CGREF1: variants seen among roughly 807,000 people sequenced by gnomAD.
CGREF1 encodes the protein cell growth regulator with EF hand domain protein 1.
Under a neutral mutation model 17.4 loss-of-function variants are expected in CGREF1, and 16 were observed. That is an observed-to-expected ratio of 0.92 (90% CI 0.62 to 1.40). CGREF1 has a LOEUF of 1.40. CGREF1 is among the 40% of genes most tolerant of loss of function. The pLI is 0.00. For missense variants in CGREF1, 296 were observed against 376.4 expected (o/e 0.79, Z 1.77); for synonymous variants, 142 against 154.6 (o/e 0.92, Z 0.61).
chr2:27,106,186 T>G (rs1671112875), intron 1 of CGREF1, among the ~76,000 whole-genome samples: 1 of 152,210 alleles, frequency 6.6e-6, no homozygotes, highest in South Asian at 2.1e-4. Context: ...CCAATGAAAG[T>G]AACCACAAAG....
rs944324710 is a variant in CGREF1, at chr2:27,102,116, T to C, written c.323A>G (p.Asn108Ser). 18 of 1,606,686 alleles carry C rather than the reference T, an allele frequency of 1.1e-5. No individual in the cohort carries two copies. Among genetic ancestry groups the C allele is most frequent in the Non-Finnish European group, 1.4e-5 (17 of 1,174,312 alleles). Reference sequence around the variant, plus strand: ...GCTTACCGGGTTGGTGGTAGGAGAGTTGGCAGCTCCAGGGGCCAGAGCAGC... The same window carrying C: ...GCTTACCGGGTTGGTGGTAGGAGAGCTGGCAGCTCCAGGGGCCAGAGCAGC... ...LTAALAPGAA[N>S]SPTTNPVILI... Residue 108 changes from asparagine (N) to serine (S), a missense_variant, in exon 5 of 6, where the codon AAC becomes AGC. This residue lies in a region of CGREF1 where 247 missense variants were observed against 267.2 expected (regional missense o/e 0.92). Transcript: ENST00000402394.
intron 1 of CGREF1, among the ~76,000 whole-genome samples, chr2:27,116,871 TTCTC>T (rs537582075): frequency 0.05 from 1,667 of 33,564 alleles, 52 homozygotes; most frequent in East Asian, 0.1. Flanking sequence ...GCCAGGCCTA[TTCTC>T]TCTCTCTCTC....
At chr2:27,102,859 G>C (rs769775186) in intron 2 of CGREF1, 1 of 890,440 alleles carries the variant, frequency 1.1e-6, no homozygotes, top group Non-Finnish European at 1.3e-6. Flanking sequence ...GGCCAGATGA[G>C]GCCACACCTA....
chr2:27,104,397 CA>C lies in CGREF1; in HGVS notation c.-11-21del. ...CTGGAACTGGAACAAGGAAGAGAAT[CA>C]GGGGTCGGGGGAAAGAGGCGTCTGC... On this transcript the variant is annotated intron_variant, in intron 1 of 5. Transcript: ENST00000402394. 1.2e-6 allele frequency: 2 copies of C among 1,612,830 alleles called. No homozygotes were observed. Among genetic ancestry groups the C allele is most frequent in the Non-Finnish European group, 1.7e-6 (2 of 1,179,530 alleles).
chr2:27,107,286 G>A (rs975915780), intron 1 of CGREF1, among the ~76,000 whole-genome samples: 5 of 124,536 alleles, frequency 4.0e-5, no homozygotes, highest in African/African-American at 9.7e-5. Flanking sequence ...AGAGGGTCTC[G>A]CTCTGTTGCC....
At chr2:27,116,892 T>TCTCTCTCTCTCTCTCTCTCTCTCTCC (rs1572906709) in intron 1 of CGREF1, among the ~76,000 whole-genome samples, 1 of 116,950 alleles carries the variant, frequency 8.6e-6, no homozygotes, top group East Asian at 2.5e-4. Context: ...TCTCTCTCTC[T>TCTCTCTCTCTCTCTCTCTCTCTCTCC]CTCTCTCTCT....
Position 27,101,023 on chromosome 2 carries a change from C to T in CGREF1, c.*251G>A, listed in dbSNP as rs553281771. The T allele has an allele frequency of 2.1e-5, 27 of 1,297,030 alleles. No homozygotes were observed. The East Asian group carries it at 6.4e-4, about 31-fold the overall frequency. The allele number at this position is 1,297,030 out of a possible 1,614,324, so 80.3% of individuals were successfully genotyped here. A position where few individuals can be genotyped will look rare whatever the true frequency, so the allele number is the denominator to read the frequency against. ...TCCCTGTCCTTTCGGTCCCCAACCCCGTTCCTCTGAGAGGGTCTGGGCAGG... is the reference window on the plus strand; with the variant it reads ...TCCCTGTCCTTTCGGTCCCCAACCCTGTTCCTCTGAGAGGGTCTGGGCAGG... On this transcript the variant is annotated 3_prime_UTR_variant, in exon 6 of 6. Coordinates refer to ENST00000402394, the MANE Select transcript of CGREF1 (RefSeq NM_006569.6).
At chr2:27,113,571 G>A (rs1671466622) in intron 1 of CGREF1, among the ~76,000 whole-genome samples, 1 of 152,104 alleles carries the variant, frequency 6.6e-6, no homozygotes, top group African/African-American at 2.4e-5. Flanking sequence ...GGAATAGGTG[G>A]TACGGCCCAA....
chr2:27,102,010 C>T (rs1670892573), intron 5 of CGREF1, 87 bp downstream of exon 5: 4 of 1,559,144 alleles, frequency 2.6e-6, no homozygotes, highest in Non-Finnish European at 3.5e-6. Flanking sequence ...TTACAGAGGA[C>T]TCACCAAAAG....
chr2:27,099,377 G>C, downstream of CGREF1: 2 of 1,611,968 alleles, frequency 1.2e-6, no homozygotes, highest in Non-Finnish European at 1.7e-6. Flanking sequence ...TGGCTGGGGG[G>C]ACGGGGTGGG....
rs775981939 is a variant in CGREF1, at chr2:27,102,224, AAAGAG to A, written c.218-8_218-4del. On this transcript the variant is annotated splice_region_variant and splice_polypyrimidine_tract_variant and intron_variant, in intron 4 of 5. Transcript: ENST00000402394. ...GAGGGCAAAGAGGTAGAGGAGAACT[AAAGAG>A]AAGAGAAGCTGGATTAGAAGAGGTG... 80 of 1,611,158 alleles carry A rather than the reference AAAGAG, an allele frequency of 5.0e-5. No individual in the cohort carries two copies. The highest frequency in any genetic ancestry group is 2.5e-4 in the South Asian group (23 of 91,008).
At chr2:27,110,313 G>A (rs577532265) in intron 1 of CGREF1, among the ~76,000 whole-genome samples, 1 of 152,154 alleles carries the variant, frequency 6.6e-6, no homozygotes, top group African/African-American at 2.4e-5. Flanking sequence ...GAGGTGGGAA[G>A]AACATTTGAA....
chr2:27,101,570 G>A lies in CGREF1; in HGVS notation c.661C>T (p.Pro221Ser). Residue 221 changes from proline to serine, a missense_variant, in exon 6 of 6, where the codon CCC becomes TCC. Pro to Ser is a moderately conservative substitution (Grantham distance 74). Transcript: ENST00000402394. ...GCCTGGCCCTCAGCTTCCCCTCTGG[G>A]CCCTGGAACATCTCCATCAGCCTCT... ...QAEADGDVPG[P>S]RGEAEGQAEA... 6.2e-7 allele frequency: 1 copy of A among 1,613,058 alleles called. No individual in the cohort carries two copies. The highest frequency in any genetic ancestry group is 8.5e-7 in the Non-Finnish European group (1 of 1,179,842).
intron 1 of CGREF1, among the ~76,000 whole-genome samples, chr2:27,106,926 G>T (rs899674751): frequency 6.6e-6 from 1 of 152,014 alleles, no homozygotes; most frequent in African/African-American, 2.4e-5. Context: ...CCTCTAATGT[G>T]GGTTTGAAGC....
chr2:27,115,861 C>G (rs951349805), intron 1 of CGREF1, among the ~76,000 whole-genome samples: 1 of 152,208 alleles, frequency 6.6e-6, no homozygotes, highest in African/African-American at 2.4e-5. Context: ...CATCCTCAAT[C>G]TGGAATGTCC....
Position 27,100,944 on chromosome 2 carries a change from C to T in CGREF1, c.*330G>A. The T allele has an allele frequency of 8.8e-7, 1 of 1,136,140 alleles. No individual in the cohort carries two copies. The highest frequency in any genetic ancestry group is 2.9e-5 in the South Asian group (1 of 34,956). 70.4% of individuals were successfully genotyped at this position (1,136,140 alleles called of 1,614,324 possible). On this transcript the variant is annotated 3_prime_UTR_variant, in exon 6 of 6. Transcript: ENST00000402394. ...CTCTGCAGCCGGCCATGGCTAGCACCATGCGCTCTGCTGCCGGAGCACCGT... is the reference window on the plus strand; with the variant it reads ...CTCTGCAGCCGGCCATGGCTAGCACTATGCGCTCTGCTGCCGGAGCACCGT...
chr2:27,099,517 G>C (rs1558453261), downstream of CGREF1: 1 of 1,614,192 alleles, frequency 6.2e-7, no homozygotes, highest in Admixed American at 1.7e-5. Context: ...ACCCCGCGTG[G>C]TGGATACACT....
intron 1 of CGREF1, among the ~76,000 whole-genome samples, chr2:27,116,871 T>TCC (rs1671585507): frequency 3.0e-5 from 1 of 33,680 alleles, no homozygotes; most frequent in Non-Finnish European, 5.9e-5. Context: ...GCCAGGCCTA[T>TCC]TCTCTCTCTC....
At chr2:27,102,255 C>G (rs1218077507) in intron 4 of CGREF1, 34 bp from the exon 5 acceptor site, 1 of 1,610,868 alleles carries the variant, frequency 6.2e-7, no homozygotes, top group African/African-American at 1.3e-5. Context: ...AGAAGAGGTG[C>G]CGGGGGAGGT....
Sources: allele counts gnomAD v4.1 joint callset (sites outside exome capture counted in the v4.1 genomes callset), GRCh38; gene constraint gnomAD v4.1.1; regional missense constraint gnomAD v4.1.1; transcripts MANE v1.5; gene names NCBI Gene and HGNC (gene_info 2026-07-23, HGNC 2026-07-21).